The following GLDC variants were observed in gnomAD, a reference collection of about 807,000 sequenced individuals.
The protein encoded by GLDC is glycine decarboxylase.
Under a neutral mutation model 121.3 loss-of-function variants are expected in GLDC, and 104 were observed. That is an observed-to-expected ratio of 0.86 (90% CI 0.73 to 1.01). The LOEUF is 1.01. GLDC is among the 50% of genes least tolerant of loss of function. The probability of loss-of-function intolerance (pLI) is 0.00; values close to 1 mark genes in which losing one functional copy is unlikely to be tolerated. For missense variants in GLDC, 1,429 were observed against 1,306.6 expected, an observed-to-expected ratio of 1.09 and a Z score of -1.44; for synonymous variants, 546 against 480.6, an observed-to-expected ratio of 1.14 and a Z score of -1.78.
rs187736068 is a variant in GLDC, at chr9:6,547,794, G to A, written c.2569+3009C>T. 1.1e-4 allele frequency among the ~76,000 whole-genome samples: 17 copies of A among 152,228 alleles called. No individual in the cohort carries two copies. In the East Asian group the frequency reaches 3.3e-3, roughly 29 times the overall value. On this transcript the variant is annotated intron_variant, in intron 21 of 24. Coordinates refer to ENST00000321612, the MANE Select transcript of GLDC (RefSeq NM_000170.3). ...CACTTTCAAAGAATATTTAGTGACA[G>A]GGGAAAATGCTCATAATATACATTT...
chr9:6,557,627 T>A (rs1817662891), intron 17 of GLDC: 1 of 136,662 alleles, frequency 7.3e-6, no homozygotes, highest in African/African-American at 3.1e-5. Flanking sequence ...AGAACAGGAA[T>A]TGGAAAAAAA....
At chr9:6,575,071 G>A (rs1344339839) in intron 15 of GLDC, among the ~76,000 whole-genome samples, 5 of 151,820 alleles carry the variant, frequency 3.3e-5, no homozygotes, top group Admixed American at 6.6e-5. Flanking sequence ...GTGTGGTGGC[G>A]GGCACCTGTA....
At chr9:6,574,288 T>A (rs1035812671) in intron 15 of GLDC, among the ~76,000 whole-genome samples, 1 of 151,778 alleles carries the variant, frequency 6.6e-6, no homozygotes, top group Non-Finnish European at 1.5e-5. Flanking sequence ...GCCAACACAG[T>A]GAAACCCCAT....
At position 6,572,600 on chromosome 9, in the gene GLDC, G is replaced by T. The variant is rs17591465; in HGVS notation, c.1851-7171C>A. On this transcript the variant is annotated intron_variant, in intron 15 of 24. Transcript: ENST00000321612. ...GTGAAACATCCTGTGCAATACTCCA[G>T]CCAGGACATTATGAATCTGGATGGA... 9.6e-4 allele frequency among the ~76,000 whole-genome samples: 146 copies of T among 152,294 alleles called. No homozygotes were observed. In the Middle Eastern group the frequency reaches 0.017, roughly 18 times the overall value.
intron 15 of GLDC, among the ~76,000 whole-genome samples, chr9:6,570,486 T>A (rs1290714317): frequency 6.6e-6 from 1 of 152,222 alleles, no homozygotes; most frequent in Non-Finnish European, 1.5e-5. Flanking sequence ...CTTTAGTGTG[T>A]GATTTCAGTG....
intron 3 of GLDC, among the ~76,000 whole-genome samples, chr9:6,614,743 G>C (rs1818934605): frequency 6.6e-6 from 1 of 152,042 alleles, no homozygotes; most frequent in South Asian, 2.1e-4. Context: ...TATGCTCTGA[G>C]AAATACATCG....
rs1489036789 is a variant in GLDC at position 6,593,065 on chromosome 9, T to G, written c.1262-75A>C. ...CAGCCATTGACATGTCACAGAATAA[T>G]AAAGAGATAAATTCTACTAGACTCT... is the stretch of plus-strand genomic sequence containing the variant. On this transcript the variant is annotated intron_variant, in intron 9 of 24. Transcript: ENST00000321612. The G allele has an allele frequency of 1.1e-5, 16 of 1,495,360 alleles. No homozygotes were observed. In the Admixed American group the frequency reaches 2.5e-4, roughly 23 times the overall value. 92.6% of individuals were successfully genotyped at this position (1,495,360 alleles called of 1,614,324 possible). A position where few individuals can be genotyped will look rare whatever the true frequency, so the allele number is the denominator to read the frequency against.
chr9:6,569,502 A>C (rs1304133616), intron 15 of GLDC: 1 of 152,060 alleles, frequency 6.6e-6, no homozygotes, highest in Non-Finnish European at 1.5e-5. Flanking sequence ...AAGTACAAAA[A>C]TTAGCTGGGT....
At chr9:6,619,138 G>T (rs1337843854) in intron 3 of GLDC, among the ~76,000 whole-genome samples, 5 of 101,878 alleles carry the variant, frequency 4.9e-5, no homozygotes, top group Non-Finnish European at 5.3e-5. Context: ...GTGAGACTCT[G>T]TCTCAGGCAA....
intron 7 of GLDC, among the ~76,000 whole-genome samples, chr9:6,603,777 T>G (rs1251484950): frequency 4.0e-5 from 6 of 149,974 alleles, no homozygotes; most frequent in Non-Finnish European, 8.9e-5. Flanking sequence ...GCACCCAAAC[T>G]GGAGTGAGGC....
rs1036817962 is a variant in GLDC, at chr9:6,631,807, C to G, written c.335-11488G>C. Among the ~76,000 whole-genome samples the G allele has an allele frequency of 2.0e-5, 3 of 152,296 alleles. No homozygotes were observed. The East Asian group carries it at 5.8e-4, about 29-fold the overall frequency. ...ATGGGCTGGGCACAGTGGCTCATGC[C>G]TGTAATCCCAGCAATTTGGGAGGCT... On this transcript the variant is annotated intron_variant, in intron 2 of 24. Coordinates refer to ENST00000321612, the MANE Select transcript of GLDC (RefSeq NM_000170.3).
rs1319034550 is a variant in GLDC at position 6,594,804 on chromosome 9, AAAG to A, written c.1261+207_1261+209del. Among the ~76,000 whole-genome samples the A allele has an allele frequency of 8.4e-5, 6 of 71,168 alleles. No homozygotes were observed. In the East Asian group the frequency reaches 1.3e-3, roughly 15 times the overall value. The allele number at this position is 71,168 out of a possible 152,430, so 46.7% of individuals were successfully genotyped here. On this transcript the variant is annotated intron_variant, in intron 9 of 24. Coordinates refer to ENST00000321612, the MANE Select transcript of GLDC (RefSeq NM_000170.3). ...GAAAGAAAGCAAGAAAAAGGAAATA[AAAG>A]AAAGAAAGAAAGAAAGAAAGAAAGA... is the stretch of plus-strand genomic sequence containing the variant.
chr9:6,564,872 T>G (rs1357928282), intron 16 of GLDC, among the ~76,000 whole-genome samples: 1 of 152,224 alleles, frequency 6.6e-6, no homozygotes, highest in African/African-American at 2.4e-5. Context: ...CCTTTTTTGG[T>G]GCTTGAAGTT....
At chr9:6,543,357 A>G (rs1489319852) in intron 21 of GLDC, among the ~76,000 whole-genome samples, 2 of 152,188 alleles carry the variant, frequency 1.3e-5, no homozygotes, top group Admixed American at 1.3e-4. Flanking sequence ...GACACCAGAC[A>G]GCAGGGAGGG....
rs781057291 is a variant in GLDC, at chr9:6,536,128, C to T, written c.2774G>A (p.Ser925Asn). Reference sequence around the variant, plus strand: ...AATGTCAGCAATTTCCTGCCGAATGCTGATCATGGCATCACAGAATCTGTC... The same window carrying T: ...AATGTCAGCAATTTCCTGCCGAATGTTGATCATGGCATCACAGAATCTGTC... ...ELDRFCDAMI[S>N]IRQEIADIEE... Residue 925 changes from serine to asparagine, a missense_variant, in exon 23 of 25, where the codon AGC (serine) becomes AAC (asparagine). By Grantham distance (46) the Ser-to-Asn change is conservative. Coordinates refer to ENST00000321612, the MANE Select transcript of GLDC (RefSeq NM_000170.3). 6.2e-7 allele frequency: 1 copy of T among 1,614,052 alleles called. No individual in the cohort carries two copies. Among genetic ancestry groups the T allele is most frequent in the Non-Finnish European group, 8.5e-7 (1 of 1,179,994 alleles).
chr9:6,644,518 G>T, intron 2 of GLDC, 96 bp downstream of exon 2: 1 of 831,852 alleles, frequency 1.2e-6, no homozygotes. Context: ...TCCCAGTCCT[G>T]AGCAATCCTT....
At chr9:6,611,284 G>A (rs1399525649) in intron 3 of GLDC, among the ~76,000 whole-genome samples, 2 of 152,216 alleles carry the variant, frequency 1.3e-5, no homozygotes, top group African/African-American at 4.8e-5. Context: ...ATCCTTACAG[G>A]CGAGAGCTAC....
intron 5 of GLDC, 68 bp from the exon 6 acceptor site, chr9:6,605,346 T>C (rs1051099978): frequency 6.5e-7 from 1 of 1,528,878 alleles, no homozygotes; most frequent in Non-Finnish European, 9.0e-7. Flanking sequence ...TAACGTTTCT[T>C]TTCCAGTAAG....
At chr9:6,543,388 G>C (rs544506361) in intron 21 of GLDC, among the ~76,000 whole-genome samples, 1 of 152,112 alleles carries the variant, frequency 6.6e-6, no homozygotes. Context: ...GAGACACAGT[G>C]GGGGAGGAGG....
Sources: allele counts gnomAD v4.1 joint callset (sites outside exome capture counted in the v4.1 genomes callset), GRCh38; gene constraint gnomAD v4.1.1; transcripts MANE v1.5; gene names NCBI Gene and HGNC (gene_info 2026-07-23, HGNC 2026-07-21).